The following ANO4 variants were observed in gnomAD, a reference collection of about 807,000 sequenced individuals.
The protein encoded by ANO4 is anoctamin-4.
Under a neutral mutation model 141.9 loss-of-function variants are expected in ANO4, and 69 were observed. The ratio of observed to expected loss-of-function variants is 0.49; its 90% CI spans 0.40 to 0.59. The LOEUF is 0.59. Among genes scored for constraint, ANO4 ranks in the 20% least tolerant of loss-of-function variants. ANO4 has a pLI of 0.00. For synonymous variants in ANO4, 350 were observed against 394.3 expected, an observed-to-expected ratio of 0.89 and a Z score of 1.33; for missense variants, 894 against 1,162.2, an observed-to-expected ratio of 0.77 and a Z score of 3.36.
chr12:100,739,542 T>C (rs7303586), intron 2 of ANO4, among the ~76,000 whole-genome samples: 98,206 of 151,966 alleles, frequency 0.65, 31,869 homozygotes, highest in East Asian at 0.75. Flanking sequence ...AGATCAGTTC[T>C]GCAGTTTCTA....
At chr12:101,048,925 T>C (rs1349128983) in intron 14 of ANO4, among the ~76,000 whole-genome samples, 1 of 152,222 alleles carries the variant, frequency 6.6e-6, no homozygotes, top group Non-Finnish European at 1.5e-5. Flanking sequence ...CAGGACTTGA[T>C]TGAAATCTCA....
chr12:100,725,472 G>A (rs970394622), intron 1 of ANO4, among the ~76,000 whole-genome samples: 4 of 148,270 alleles, frequency 2.7e-5, no homozygotes, highest in Non-Finnish European at 3.0e-5. Context: ...TCAGCCTCCC[G>A]AGTAGCTGGG....
Position 100,890,814 on chromosome 12 carries a change from G to A in ANO4, c.-140-10832G>A, listed in dbSNP as rs75878129. Among the ~76,000 whole-genome samples the A allele has an allele frequency of 9.3e-4, 142 of 152,252 alleles. 1 individual carries two copies. The highest frequency in any genetic ancestry group is 3.3e-3 in the African/African-American group (138 of 41,556). ...CACATCATCACCCAGAGTCCATAGT[G>A]TGTATTAGCGTTCACTGTTGGTGTT... On this transcript the variant is annotated intron_variant, in intron 1 of 27. Transcript: ENST00000392977.
intron 1 of ANO4, among the ~76,000 whole-genome samples, chr12:100,892,649 C>T (rs1009928979): frequency 1.3e-5 from 2 of 152,164 alleles, no homozygotes; most frequent in Non-Finnish European, 2.9e-5. Flanking sequence ...TTACATATTA[C>T]CTATGTGCAT....
At chr12:101,059,605 T>A (rs1405018540) in intron 14 of ANO4, among the ~76,000 whole-genome samples, 1 of 152,174 alleles carries the variant, frequency 6.6e-6, no homozygotes, top group African/African-American at 2.4e-5. Flanking sequence ...TGGTTTAGCC[T>A]TGGGAGGGTG....
chr12:101,057,316 C>T (rs915768929), intron 14 of ANO4, among the ~76,000 whole-genome samples: 3 of 152,044 alleles, frequency 2.0e-5, no homozygotes, highest in African/African-American at 7.2e-5. Flanking sequence ...AATAAATATA[C>T]GTGTGCATGT....
chr12:100,718,730 T>TC (rs1047111149), intron 1 of ANO4, among the ~76,000 whole-genome samples: 3 of 152,128 alleles, frequency 2.0e-5, no homozygotes, highest in Non-Finnish European at 4.4e-5. Context: ...CCAACCCCCT[T>TC]CCCCCGTGCT....
chr12:100,721,466 G>A (rs906534634), intron 1 of ANO4, among the ~76,000 whole-genome samples: 1 of 152,160 alleles, frequency 6.6e-6, no homozygotes, highest in Non-Finnish European at 1.5e-5. Flanking sequence ...ATTCCAGGGA[G>A]CAACAGCAAC....
intron 9 of ANO4, among the ~76,000 whole-genome samples, chr12:101,027,303 A>G (rs576800951): frequency 2.9e-4 from 44 of 152,336 alleles, no homozygotes; most frequent in South Asian, 1.9e-3. Flanking sequence ...ACAGATTCTC[A>G]ACAACCTCTC....
chr12:100,923,293 C>A (rs542019947), intron 3 of ANO4, among the ~76,000 whole-genome samples: 1 of 150,816 alleles, frequency 6.6e-6, no homozygotes, highest in African/African-American at 2.4e-5. Context: ...CCCAGCCCCC[C>A]ACCCTACGAC....
chr12:101,086,973 A>T, intron 17 of ANO4, 149 bp downstream of exon 17: 3 of 931,640 alleles, frequency 3.2e-6, no homozygotes, highest in Non-Finnish European at 4.7e-6. Context: ...TGGCATGAAG[A>T]TGCACTTGGG....
intron 8 of ANO4, 152 bp from the exon 9 acceptor site, chr12:101,019,882 G>A: frequency 1.5e-6 from 1 of 664,716 alleles, no homozygotes; most frequent in Non-Finnish European, 2.7e-6. Context: ...TACTATCCTG[G>A]TGTGATCTCT....
intron 1 of ANO4, chr12:100,859,152 C>T (rs2038341070): frequency 6.6e-6 from 1 of 152,142 alleles, no homozygotes; most frequent in African/African-American, 2.4e-5. Context: ...CAGTATCGTT[C>T]CGTGCTAGTA....
At chr12:101,078,305 C>T (rs2049104697) in intron 14 of ANO4, among the ~76,000 whole-genome samples, 1 of 149,862 alleles carries the variant, frequency 6.7e-6, no homozygotes, top group Non-Finnish European at 1.5e-5. Flanking sequence ...TAGTCATTCT[C>T]AGAGTGTGAG....
At chr12:100,976,117 G>C (rs751973982) in intron 7 of ANO4, among the ~76,000 whole-genome samples, 48 of 152,028 alleles carry the variant, frequency 3.2e-4, no homozygotes, top group Non-Finnish European at 6.5e-4. Context: ...AATCTTAATT[G>C]ATCTTATGTT....
Position 100,794,791 on chromosome 12 carries a change from C to G in ANO4, c.-377C>G, listed in dbSNP as rs183373530. ...CCACCAGGCTGCTTTCACTCCGGCTCGCTCTCCGGAGAGTCCTGTTCCAGA... is the reference window on the plus strand; with the variant it reads ...CCACCAGGCTGCTTTCACTCCGGCTGGCTCTCCGGAGAGTCCTGTTCCAGA... On this transcript the variant is annotated 5_prime_UTR_variant, in exon 1 of 28. Transcript: ENST00000392977. 8.5e-5 allele frequency: 13 copies of G among 152,254 alleles called. No homozygotes were observed. Among genetic ancestry groups the G allele is most frequent in the Non-Finnish European group, 1.2e-4 (8 of 68,108 alleles). 9.4% of individuals were successfully genotyped at this position (152,254 alleles called of 1,614,324 possible). A position where few individuals can be genotyped will look rare whatever the true frequency, so the allele number is the denominator to read the frequency against.
At chr12:101,117,295 T>C (rs1308889138) in intron 25 of ANO4, among the ~76,000 whole-genome samples, 1 of 152,206 alleles carries the variant, frequency 6.6e-6, no homozygotes, top group Non-Finnish European at 1.5e-5. Flanking sequence ...TCATTCTCTC[T>C]TTCTTTCTCT....
chr12:100,871,691 G>T (rs139007910), intron 1 of ANO4, among the ~76,000 whole-genome samples: 566 of 152,310 alleles, frequency 3.7e-3, no homozygotes, highest in Non-Finnish European at 5.1e-3. Context: ...CAGATTTGGT[G>T]TCTGGTGAGG....
chr12:101,028,694 A>G (rs1461169551), intron 9 of ANO4, among the ~76,000 whole-genome samples: 2 of 152,370 alleles, frequency 1.3e-5, no homozygotes, highest in Admixed American at 1.3e-4. Context: ...GACCAAACCT[A>G]CAATTGATTG....
Sources: gnomAD v4.1 joint callset for allele counts (sites outside exome capture counted in the v4.1 genomes callset) on GRCh38, gnomAD v4.1.1 for gene constraint, MANE v1.5 for transcripts, NCBI Gene and HGNC (gene_info 2026-07-23, HGNC 2026-07-21) for gene names.